SPATS2: variants seen among roughly 807,000 people sequenced by gnomAD.
The protein encoded by SPATS2 is spermatogenesis-associated serine-rich protein 2.
In SPATS2, 38 loss-of-function variants were observed where a neutral mutation model predicts 63.7. The observed-to-expected ratio is 0.60, with a 90% CI of 0.46 to 0.78. The LOEUF (loss-of-function observed/expected upper bound fraction) is 0.78. Among genes scored for constraint, SPATS2 ranks in the 30% least tolerant of loss-of-function variants. SPATS2 has a pLI of 0.00. For missense variants in SPATS2, 588 were observed against 666.2 expected (o/e 0.88, Z 1.29); for synonymous variants, 207 against 232.9 (o/e 0.89, Z 1.01).
chr12:49,467,377 CTT>C (rs1158177603), intron 3 of SPATS2, among the ~76,000 whole-genome samples: 5 of 151,990 alleles, frequency 3.3e-5, no homozygotes, highest in African/African-American at 7.2e-5. Flanking sequence ...ATGTATAACT[CTT>C]TATATTTTCC....
At chr12:49,432,865 A>G (rs1470928529) in intron 2 of SPATS2, among the ~76,000 whole-genome samples, 3 of 152,312 alleles carry the variant, frequency 2.0e-5, no homozygotes, top group South Asian at 4.1e-4. Flanking sequence ...GAATAATGCT[A>G]CCATGAACAT....
Position 49,522,889 on chromosome 12 carries a change from T to C in SPATS2, c.1111+36T>C, listed in dbSNP as rs17123724. Reference sequence around the variant, plus strand: ...GAGAGGGTCTGGGCACTACAGGTGGTGATTATTAATTAGAGACTGACGTGC... The same window carrying C: ...GAGAGGGTCTGGGCACTACAGGTGGCGATTATTAATTAGAGACTGACGTGC... On this transcript the variant is annotated intron_variant, in intron 12 of 13. Coordinates refer to ENST00000552918, the MANE Select transcript of SPATS2 (RefSeq NM_023071.4). 3.2e-3 allele frequency: 4,920 copies of C among 1,555,686 alleles called. 125 individuals are homozygous for C. In the African/African-American group the frequency reaches 0.059, roughly 19 times the overall value.
At chr12:49,399,953 G>A (rs914356715) in intron 2 of SPATS2, among the ~76,000 whole-genome samples, 3 of 152,094 alleles carry the variant, frequency 2.0e-5, no homozygotes, top group Non-Finnish European at 4.4e-5. Flanking sequence ...GGAGAATGGC[G>A]TGAACCCGGG....
chr12:49,425,888 C>T (rs957719707), intron 2 of SPATS2, among the ~76,000 whole-genome samples: 2 of 152,206 alleles, frequency 1.3e-5, no homozygotes, highest in Admixed American at 6.5e-5. Context: ...CTGCCTTGGC[C>T]TCCCAAAGTG....
At chr12:49,427,333 CATT>C (rs1228761086) in intron 2 of SPATS2, among the ~76,000 whole-genome samples, 1 of 152,166 alleles carries the variant, frequency 6.6e-6, no homozygotes. Flanking sequence ...TTCTACTTAA[CATT>C]ATATTGCTAA....
chr12:49,483,715 G>GT (rs1480517517), intron 3 of SPATS2, among the ~76,000 whole-genome samples: 1 of 152,038 alleles, frequency 6.6e-6, no homozygotes, highest in Non-Finnish European at 1.5e-5. Flanking sequence ...TACTTGCCTT[G>GT]TTGAAATTCT....
chr12:49,486,792 A>G (rs987241855), intron 4 of SPATS2, among the ~76,000 whole-genome samples: 2 of 151,578 alleles, frequency 1.3e-5, no homozygotes, highest in African/African-American at 4.8e-5. Flanking sequence ...AAAAAAAAAA[A>G]GAAAAAAAAG....
chr12:49,385,964 A>G (rs1297782543), intron 2 of SPATS2, among the ~76,000 whole-genome samples: 1 of 148,736 alleles, frequency 6.7e-6, no homozygotes, highest in East Asian at 2.0e-4. Flanking sequence ...CCCAGGTTCA[A>G]GTGATTCTTG....
chr12:49,503,814 G>A (rs928038113), intron 9 of SPATS2, among the ~76,000 whole-genome samples: 1 of 152,158 alleles, frequency 6.6e-6, no homozygotes, highest in African/African-American at 2.4e-5. Context: ...TTCCGGGAGA[G>A]AGATTTGTGA....
chr12:49,520,162 T>A (rs1946916893), intron 11 of SPATS2, among the ~76,000 whole-genome samples: 1 of 152,136 alleles, frequency 6.6e-6, no homozygotes, highest in South Asian at 2.1e-4. Flanking sequence ...TTATTTTTAG[T>A]AGAGATGGGG....
At chr12:49,479,974 T>C (rs142016608) in intron 3 of SPATS2, among the ~76,000 whole-genome samples, 3 of 152,318 alleles carry the variant, frequency 2.0e-5, no homozygotes, top group Non-Finnish European at 4.4e-5. Flanking sequence ...CGTGACTGAT[T>C]TTCTCATCAC....
intron 10 of SPATS2, 113 bp from the exon 11 acceptor site, chr12:49,518,960 A>T: frequency 1.6e-6 from 1 of 642,890 alleles, no homozygotes; most frequent in Non-Finnish European, 2.5e-6. Context: ...TTCTGGGTGG[A>T]TAGGCAGCTA....
intron 3 of SPATS2, among the ~76,000 whole-genome samples, chr12:49,466,850 T>G (rs1270109341): frequency 6.6e-6 from 1 of 152,170 alleles, no homozygotes; most frequent in Non-Finnish European, 1.5e-5. Flanking sequence ...TGGAATCTGA[T>G]AGAGAGTGCA....
rs938225327 is a variant in SPATS2 at position 49,430,541 on chromosome 12, T to C, written c.-243-30229T>C. 3.3e-5 allele frequency among the ~76,000 whole-genome samples: 5 copies of C among 152,090 alleles called. 1 individual carries two copies. In the South Asian group the frequency reaches 8.3e-4, roughly 25 times the overall value. On this transcript the variant is annotated intron_variant, in intron 2 of 13. Coordinates refer to ENST00000552918, the MANE Select transcript of SPATS2 (RefSeq NM_023071.4). ...GAATGTTTTTATTTGCAACCTCTCA[T>C]TTTCTTGTTTTCCATCATTATCTGC...
intron 2 of SPATS2, among the ~76,000 whole-genome samples, chr12:49,385,404 T>C (rs888997669): frequency 6.7e-5 from 9 of 133,606 alleles, no homozygotes; most frequent in Admixed American, 5.7e-4. Flanking sequence ...GAGACAGAGA[T>C]AGAGACAGAG....
At chr12:49,451,127 C>A (rs1040858107) in intron 2 of SPATS2, among the ~76,000 whole-genome samples, 2 of 152,182 alleles carry the variant, frequency 1.3e-5, no homozygotes, top group African/African-American at 4.8e-5. Context: ...CTGCCTCAGC[C>A]TCCCAAAGTG....
chr12:49,375,180 GTGTGTGTGTGTGTGT>G (rs1944075694), intron 2 of SPATS2, among the ~76,000 whole-genome samples: 1 of 137,440 alleles, frequency 7.3e-6, no homozygotes, highest in Non-Finnish European at 1.6e-5. Context: ...GTGTGTGTGT[GTGTGTGTGTGTGTGT>G]GGTGGTAGTG....
chr12:49,471,359 G>A (rs530222341), intron 3 of SPATS2, among the ~76,000 whole-genome samples: 1 of 152,196 alleles, frequency 6.6e-6, no homozygotes, highest in Non-Finnish European at 1.5e-5. Flanking sequence ...TATCTTTTGA[G>A]ACAGAGCCTT....
chr12:49,514,074 G>A (rs569741865), intron 9 of SPATS2, among the ~76,000 whole-genome samples: 1 of 151,676 alleles, frequency 6.6e-6, no homozygotes, highest in African/African-American at 2.4e-5. Flanking sequence ...GGAGAATGGC[G>A]TGAACCCGGA....
Sources: gnomAD v4.1 joint callset for allele counts (sites outside exome capture counted in the v4.1 genomes callset) on GRCh38, gnomAD v4.1.1 for gene constraint, MANE v1.5 for transcripts, NCBI Gene and HGNC (gene_info 2026-07-23, HGNC 2026-07-21) for gene names.